CNGB3: variants seen among roughly 807,000 people sequenced by gnomAD.
CNGB3 encodes the protein cyclic nucleotide gated channel subunit beta 3.
Under a neutral mutation model 92.8 loss-of-function variants are expected in CNGB3, and 86 were observed. The observed-to-expected ratio is 0.93, with a 90% CI of 0.78 to 1.11. CNGB3 has a LOEUF of 1.11. Among genes scored for constraint, CNGB3 ranks in the 50% least tolerant of loss-of-function variants. CNGB3 has a pLI of 0.00. For synonymous variants in CNGB3, 333 were observed against 332.7 expected, an observed-to-expected ratio of 1.00 and a Z score of -0.01; for missense variants, 1,026 against 956.8, an observed-to-expected ratio of 1.07 and a Z score of -0.95.
At position 86,723,382 on chromosome 8, in the gene CNGB3, G is replaced by A. The variant is rs189129349; in HGVS notation, c.338+3149C>T. On this transcript the variant is annotated intron_variant, in intron 3 of 17. Coordinates refer to ENST00000320005, the MANE Select transcript of CNGB3 (RefSeq NM_019098.5). ...AATCAAATACTTAATTTTTTTCTAG[G>A]AGAAAGAGCTTTTTAAAACCTGACC... Among the ~76,000 whole-genome samples, 9 of 152,164 alleles carry A rather than the reference G, an allele frequency of 5.9e-5. No homozygotes were observed. The East Asian group carries it at 1.4e-3, about 23-fold the overall frequency.
intron 14 of CNGB3, among the ~76,000 whole-genome samples, chr8:86,604,942 G>A (rs1375108358): frequency 6.6e-6 from 1 of 152,154 alleles, no homozygotes; most frequent in Non-Finnish European, 1.5e-5. Flanking sequence ...CTTGTACATA[G>A]TTTGAAAGTC....
intron 6 of CNGB3, chr8:86,660,923 C>G (rs1211803438): frequency 3.4e-6 from 1 of 289,884 alleles, no homozygotes; most frequent in Non-Finnish European, 6.9e-6. Flanking sequence ...ACTCCTACCC[C>G]AGAAAAGGCC....
Position 86,693,419 on chromosome 8 carries a change from T to TTA in CNGB3, c.339-22322_339-22321insTA, listed in dbSNP as rs149201867. On this transcript the variant is annotated intron_variant, in intron 3 of 17. Transcript: ENST00000320005. Reference sequence around the variant, plus strand: ...TTTATTGGAAACTTTGTTCATTTTTTTTTATTATTATTATTATTTATTTAT... The same window carrying TTA: ...TTTATTGGAAACTTTGTTCATTTTTTTATTTATTATTATTATTATTTATTTAT... 3.4e-3 allele frequency among the ~76,000 whole-genome samples: 452 copies of TTA among 131,708 alleles called. 3 individuals carry two copies. Among genetic ancestry groups the TTA allele is most frequent in the African/African-American group, 0.012 (439 of 35,874 alleles). 86.4% of individuals were successfully genotyped at this position (131,708 alleles called of 152,430 possible).
intron 14 of CNGB3, among the ~76,000 whole-genome samples, chr8:86,608,673 G>A (rs563402267): frequency 1.3e-5 from 2 of 152,232 alleles, no homozygotes. Flanking sequence ...ATTAGTGACA[G>A]TATTAAAAGT....
chr8:86,705,317 A>T (rs529274474), intron 3 of CNGB3, among the ~76,000 whole-genome samples: 1 of 152,114 alleles, frequency 6.6e-6, no homozygotes, highest in African/African-American at 2.4e-5. Flanking sequence ...AAATTGTACT[A>T]TGCACCAGTA....
chr8:86,599,730 G>T (rs906741327), intron 15 of CNGB3, among the ~76,000 whole-genome samples: 1 of 152,096 alleles, frequency 6.6e-6, no homozygotes, highest in African/African-American at 2.4e-5. Context: ...ATAAATTTTG[G>T]TCAGACCGGT....
intron 3 of CNGB3, among the ~76,000 whole-genome samples, chr8:86,682,941 G>C (rs554664474): frequency 2.6e-5 from 4 of 152,136 alleles, no homozygotes; most frequent in Admixed American, 2.6e-4. Context: ...AGCTGTTAGA[G>C]CCCTGGAGCA....
chr8:86,596,597 G>A (rs1180335055), intron 15 of CNGB3, among the ~76,000 whole-genome samples: 1 of 152,154 alleles, frequency 6.6e-6, no homozygotes, highest in East Asian at 1.9e-4. Flanking sequence ...GCACTTATGT[G>A]GACCAGCCAC....
intron 3 of CNGB3, among the ~76,000 whole-genome samples, chr8:86,724,420 A>G (rs1231871465): frequency 6.6e-6 from 1 of 152,172 alleles, no homozygotes; most frequent in Non-Finnish European, 1.5e-5. Context: ...GAGAAGCTGT[A>G]TAGTTTTGAA....
intron 6 of CNGB3, chr8:86,659,800 T>G (rs1035522091): frequency 3.4e-5 from 13 of 384,228 alleles, no homozygotes; most frequent in African/African-American, 6.4e-5. Flanking sequence ...TTGCTTGCTT[T>G]CTTTTCTTCT....
chr8:86,590,799 A>C (rs1822013923), intron 15 of CNGB3, among the ~76,000 whole-genome samples: 1 of 149,124 alleles, frequency 6.7e-6, no homozygotes. Context: ...ACCTTTGGTG[A>C]ATCTGACAAT....
At chr8:86,695,177 T>A (rs957886882) in intron 3 of CNGB3, among the ~76,000 whole-genome samples, 12 of 151,762 alleles carry the variant, frequency 7.9e-5, no homozygotes, top group Non-Finnish European at 1.5e-4. Flanking sequence ...GCGCCTGCAA[T>A]CGCAGGCACT....
At chr8:86,694,102 CG>C (rs1824383202) in intron 3 of CNGB3, among the ~76,000 whole-genome samples, 2 of 97,752 alleles carry the variant, frequency 2.0e-5, no homozygotes, top group Non-Finnish European at 4.1e-5. Context: ...CCCTCCCAGA[CG>C]GGGCGGCTGG....
chr8:86,687,209 A>T (rs1824205372), intron 3 of CNGB3, among the ~76,000 whole-genome samples: 1 of 152,012 alleles, frequency 6.6e-6, no homozygotes, highest in Admixed American at 6.6e-5. Context: ...TTAAACTGTA[A>T]AAAACAGTTT....
Position 86,668,074 on chromosome 8 carries a change from A to G in CNGB3, c.588T>C (p.Pro196=), listed in dbSNP as rs746945953. 7 of 1,614,054 alleles carry G rather than the reference A, an allele frequency of 4.3e-6. No homozygotes were observed. The South Asian group carries it at 7.7e-5, about 18-fold the overall frequency. Residue 196 remains proline, a synonymous_variant, in exon 5 of 18, where the codon CCT becomes CCC. Coordinates refer to ENST00000320005, the MANE Select transcript of CNGB3 (RefSeq NM_019098.5). ...TAATTCGCTTTAAGTACTCTGTTAA[A>G]GGCATCTTTTTGACTTTGAACCACA... ...RLLWFKVKKM[P]LTEYLKRIKL... is the part of the protein sequence containing the mutation.
chr8:86,650,054 G>A (rs571803174), intron 7 of CNGB3, among the ~76,000 whole-genome samples: 25 of 150,858 alleles, frequency 1.7e-4, no homozygotes, highest in African/African-American at 3.9e-4. Flanking sequence ...ATGCCCCCCC[G>A]CCCAAATTGC....
At chr8:86,651,424 G>C (rs1444095062) in intron 7 of CNGB3, among the ~76,000 whole-genome samples, 1 of 151,834 alleles carries the variant, frequency 6.6e-6, no homozygotes, top group African/African-American at 2.4e-5. Context: ...AAAAGTATTG[G>C]CTTAGAAATT....
intron 3 of CNGB3, among the ~76,000 whole-genome samples, chr8:86,685,072 G>A (rs1047352102): frequency 1.3e-4 from 20 of 152,040 alleles, no homozygotes; most frequent in Middle Eastern, 3.2e-3. Flanking sequence ...CAATATCCTG[G>A]TTGTGAGATT....
chr8:86,729,559 C>G (rs1825125159), intron 2 of CNGB3, among the ~76,000 whole-genome samples: 1 of 152,162 alleles, frequency 6.6e-6, no homozygotes, highest in African/African-American at 2.4e-5. Context: ...CAAAATAAAT[C>G]CTCATTAATA....
Sources: gnomAD v4.1 joint callset for allele counts (sites outside exome capture counted in the v4.1 genomes callset) on GRCh38, gnomAD v4.1.1 for gene constraint, MANE v1.5 for transcripts, NCBI Gene and HGNC (gene_info 2026-07-23, HGNC 2026-07-21) for gene names.